The following GSK3B variants were observed in gnomAD, a reference collection of about 807,000 sequenced individuals.
GSK3B encodes the protein glycogen synthase kinase-3 beta.
In GSK3B, 15 loss-of-function variants were observed where a neutral mutation model predicts 56.4. That is an observed-to-expected ratio of 0.27 (90% CI 0.18 to 0.41). GSK3B has a LOEUF of 0.41. Among genes scored for constraint, GSK3B ranks in the 10% least tolerant of loss-of-function variants. The probability of loss-of-function intolerance (pLI) is 1.00; values close to 1 mark genes in which losing one functional copy is unlikely to be tolerated. For synonymous variants in GSK3B, 181 were observed against 188.9 expected (o/e 0.96, Z 0.34); for missense variants, 300 against 513.4 (o/e 0.58, Z 4.02).
At chr3:120,015,623 C>T (rs1471114524) in intron 1 of GSK3B, among the ~76,000 whole-genome samples, 2 of 125,270 alleles carry the variant, frequency 1.6e-5, no homozygotes, top group Non-Finnish European at 1.6e-5. Flanking sequence ...GCACTCCAGC[C>T]TGGGAGACAG....
chr3:119,827,498 G>C (rs980872275), intron 10 of GSK3B, among the ~76,000 whole-genome samples: 3 of 151,182 alleles, frequency 2.0e-5, no homozygotes, highest in South Asian at 4.2e-4. Context: ...AAAGATGGGA[G>C]GCTAAGTGGG....
intron 9 of GSK3B, among the ~76,000 whole-genome samples, chr3:119,859,334 T>C (rs1243566884): frequency 6.6e-6 from 1 of 152,220 alleles, no homozygotes; most frequent in Non-Finnish European, 1.5e-5. Flanking sequence ...AGAAAATGCC[T>C]AGCACATGGG....
At chr3:119,900,399 T>C in intron 7 of GSK3B, among the ~76,000 whole-genome samples, 1 of 152,162 alleles carries the variant, frequency 6.6e-6, no homozygotes, top group Admixed American at 6.6e-5. Context: ...ATATTTAAAA[T>C]TAAAAAATTC....
At chr3:120,062,338 A>T (rs1395251453) in intron 1 of GSK3B, among the ~76,000 whole-genome samples, 1 of 152,194 alleles carries the variant, frequency 6.6e-6, no homozygotes, top group Non-Finnish European at 1.5e-5. Context: ...TTGCTTCAAA[A>T]ATATACAGCA....
chr3:120,071,167 T>G (rs930557231), intron 1 of GSK3B, among the ~76,000 whole-genome samples: 3 of 152,222 alleles, frequency 2.0e-5, no homozygotes, highest in Non-Finnish European at 4.4e-5. Context: ...GAGTAACTAC[T>G]GTGGGAGACA....
chr3:119,920,012 TA>T (rs1300586018), intron 4 of GSK3B, among the ~76,000 whole-genome samples: 4 of 152,174 alleles, frequency 2.6e-5, no homozygotes, highest in African/African-American at 7.2e-5. Flanking sequence ...TATGAACACT[TA>T]AAAAATACTT....
rs1277083238 is a variant in GSK3B, at chr3:119,936,336, A to AT, written c.366+10931_366+10932insA. Among the ~76,000 whole-genome samples, 651 of 130,952 alleles carry AT rather than the reference A, an allele frequency of 5.0e-3. 12 individuals carry two copies. Among genetic ancestry groups the AT allele is most frequent in the African/African-American group, 0.021 (632 of 30,006 alleles). 85.9% of individuals were successfully genotyped at this position (130,952 alleles called of 152,430 possible). On this transcript the variant is annotated intron_variant, in intron 3 of 10. Coordinates refer to ENST00000264235, the MANE Select transcript of GSK3B (RefSeq NM_001146156.2). ...ATATAAAAATATAAATATATATAAA[A>AT]AATATATATATATATATATTTTTTT...
chr3:119,878,948 T>C (rs2056347003), intron 7 of GSK3B, among the ~76,000 whole-genome samples: 1 of 152,208 alleles, frequency 6.6e-6, no homozygotes, highest in South Asian at 2.1e-4. Context: ...AGGAAACTAC[T>C]GGGATTATGA....
At chr3:120,059,052 T>C (rs959002843) in intron 1 of GSK3B, among the ~76,000 whole-genome samples, 32 of 151,244 alleles carry the variant, frequency 2.1e-4, no homozygotes, top group African/African-American at 7.5e-4. Context: ...GTGTAAGATA[T>C]AATACTCAAT....
chr3:120,003,031 T>C (rs2057693610), intron 1 of GSK3B, among the ~76,000 whole-genome samples: 1 of 152,032 alleles, frequency 6.6e-6, no homozygotes, highest in Non-Finnish European at 1.5e-5. Context: ...TTTGCTTCCC[T>C]GAATCTTCTT....
intron 7 of GSK3B, among the ~76,000 whole-genome samples, chr3:119,897,347 G>A (rs2056579250): frequency 6.6e-6 from 1 of 152,064 alleles, no homozygotes; most frequent in East Asian, 1.9e-4. Context: ...TTATACTAAT[G>A]TTGAGCAGTT....
intron 9 of GSK3B, among the ~76,000 whole-genome samples, chr3:119,845,084 G>A (rs1053409616): frequency 2.0e-5 from 3 of 152,128 alleles, no homozygotes; most frequent in African/African-American, 7.2e-5. Context: ...CAATAGATGT[G>A]GCGAAGGCCT....
At chr3:120,078,654 G>A (rs561482712) in intron 1 of GSK3B, among the ~76,000 whole-genome samples, 2 of 150,588 alleles carry the variant, frequency 1.3e-5, no homozygotes, top group East Asian at 3.9e-4. Context: ...TGGGGTTCAA[G>A]CGATTCTTCT....
At chr3:119,960,292 T>A (rs2057259008) in intron 2 of GSK3B, among the ~76,000 whole-genome samples, 1 of 151,932 alleles carries the variant, frequency 6.6e-6, no homozygotes, top group Non-Finnish European at 1.5e-5. Flanking sequence ...CACTGGGTGT[T>A]AGGGGTGGAG....
intron 10 of GSK3B, among the ~76,000 whole-genome samples, chr3:119,828,523 G>A (rs954777160): frequency 3.3e-5 from 5 of 152,204 alleles, no homozygotes; most frequent in African/African-American, 1.2e-4. Context: ...AGACTCAGAA[G>A]TTTTTTTCTC....
At chr3:120,017,429 A>G (rs2057836760) in intron 1 of GSK3B, among the ~76,000 whole-genome samples, 1 of 152,190 alleles carries the variant, frequency 6.6e-6, no homozygotes, top group Admixed American at 6.5e-5. Context: ...TTGGCCTACT[A>G]GACATCCCTT....
chr3:119,967,747 C>A (rs1576235940), intron 2 of GSK3B, among the ~76,000 whole-genome samples: 1 of 150,738 alleles, frequency 6.6e-6, no homozygotes, highest in East Asian at 1.9e-4. Context: ...CGTCCCGTCC[C>A]CTCCCCTCCC....
At chr3:119,916,021 C>A in intron 5 of GSK3B, 23 bp downstream of exon 5, 1 of 1,577,422 alleles carries the variant, frequency 6.3e-7, no homozygotes, top group Non-Finnish European at 8.7e-7. Flanking sequence ...AGGGAAGGGG[C>A]AGGGAGAGGG....
chr3:119,939,752 T>C (rs371824906), intron 3 of GSK3B, among the ~76,000 whole-genome samples: 5 of 152,156 alleles, frequency 3.3e-5, no homozygotes, highest in South Asian at 4.2e-4. Context: ...AACATCCAGG[T>C]TTCTTATTTT....
Sources: allele counts gnomAD v4.1 joint callset (sites outside exome capture counted in the v4.1 genomes callset), GRCh38; gene constraint gnomAD v4.1.1; transcripts MANE v1.5; gene names NCBI Gene and HGNC (gene_info 2026-07-23, HGNC 2026-07-21).